PCDHA1: variants seen among roughly 807,000 people sequenced by gnomAD.
PCDHA1 encodes protocadherin alpha-1.
A neutral mutation model predicts 61.3 loss-of-function variants in PCDHA1; 42 were observed. That is an observed-to-expected ratio of 0.69 (90% CI 0.54 to 0.89). PCDHA1 has a LOEUF of 0.89. Among genes scored for constraint, PCDHA1 ranks in the 40% least tolerant of loss-of-function variants. The probability of loss-of-function intolerance (pLI) is 0.00; values close to 1 mark genes in which losing one functional copy is unlikely to be tolerated. For missense variants in PCDHA1, 1,256 were observed against 1,235.3 expected (o/e 1.02, Z -0.25); for synonymous variants, 610 against 553.8 (o/e 1.10, Z -1.43).
intron 1 of PCDHA1, among the ~76,000 whole-genome samples, chr5:140,952,230 A>C (rs1177331328): frequency 6.6e-6 from 1 of 151,960 alleles, no homozygotes; most frequent in African/African-American, 2.4e-5. Flanking sequence ...ACAGTGTGCA[A>C]GCTGCTTAGA....
chr5:140,867,157 C>T (rs1194187128), intron 1 of PCDHA1: 2 of 152,166 alleles, frequency 1.3e-5, no homozygotes, highest in East Asian at 3.9e-4. Context: ...CCAGAGTAAA[C>T]CTTCTAAGGT....
intron 1 of PCDHA1, chr5:140,823,379 G>T (rs2150125184): frequency 6.2e-7 from 1 of 1,612,650 alleles, no homozygotes; most frequent in Non-Finnish European, 8.5e-7. Context: ...TTCCAGGTGA[G>T]CGCGCGCGAC....
At chr5:140,856,690 T>G (rs1368181199) in intron 1 of PCDHA1, 2 of 1,597,086 alleles carry the variant, frequency 1.3e-6, no homozygotes, top group African/African-American at 2.7e-5. Context: ...TGACAGCAAC[T>G]GATGGAGGCA....
intron 1 of PCDHA1, among the ~76,000 whole-genome samples, chr5:140,845,069 G>A (rs1323503087): frequency 6.7e-6 from 1 of 149,464 alleles, no homozygotes; most frequent in Non-Finnish European, 1.5e-5. Context: ...CCTCAAAGCA[G>A]CATTGTTTTG....
In PCDHA1 at chr5:140,978,971, G is replaced by C. The variant is rs782774245; in HGVS notation, c.2417G>C (p.Trp806Ser). Residue 806 changes from tryptophan (W) to serine (S), a missense_variant, in exon 2 of 4, where the codon TGG (tryptophan) becomes TCG (serine). Trp to Ser is a radical substitution (Grantham distance 177). Transcript: ENST00000504120. ...CAGCCACGACAGCCCAACCCTGACT[G>C]GCGTTACTCTGCCTCCCTGAGAGCA... is the stretch of plus-strand genomic sequence containing the variant. ...SGNPRQPNPD[W>S]RYSASLRAGM... 6.2e-7 allele frequency: 1 copy of C among 1,614,170 alleles called. No homozygotes were observed. The highest frequency in any genetic ancestry group is 2.2e-5 in the East Asian group (1 of 44,882).
intron 1 of PCDHA1, chr5:140,968,575 G>C: frequency 6.2e-7 from 1 of 1,614,134 alleles, no homozygotes; most frequent in Non-Finnish European, 8.5e-7. Context: ...CTGGCTACCT[G>C]GTCACCAAAG....
chr5:140,799,046 A>G (rs1219973216), intron 1 of PCDHA1, among the ~76,000 whole-genome samples: 1 of 152,214 alleles, frequency 6.6e-6, no homozygotes, highest in Admixed American at 6.5e-5. Context: ...TTCTAAAATT[A>G]TATTCACATA....
chr5:140,823,337 C>T, intron 1 of PCDHA1: 2 of 1,612,260 alleles, frequency 1.2e-6, no homozygotes, highest in Non-Finnish European at 1.7e-6. Context: ...GCGCTGCAGC[C>T]GCTGGACCAC....
intron 1 of PCDHA1, chr5:140,801,232 A>G (rs1554121325): frequency 6.2e-7 from 1 of 1,612,512 alleles, no homozygotes. Flanking sequence ...CCTGGAGCCC[A>G]GTGCCTGCTG....
intron 1 of PCDHA1, among the ~76,000 whole-genome samples, chr5:140,957,527 T>C (rs1441282290): frequency 6.6e-6 from 1 of 152,138 alleles, no homozygotes; most frequent in African/African-American, 2.4e-5. Context: ...AGACATTCAG[T>C]GGGGATCTTA....
At chr5:140,922,210 A>AAC (rs2080722350) in intron 1 of PCDHA1, among the ~76,000 whole-genome samples, 2 of 152,232 alleles carry the variant, frequency 1.3e-5, no homozygotes, top group Admixed American at 1.3e-4. Context: ...GAAACTTTGT[A>AAC]AAACATTTGA....
chr5:140,888,994 T>A (rs1486471421), intron 1 of PCDHA1, among the ~76,000 whole-genome samples: 5 of 152,154 alleles, frequency 3.3e-5, no homozygotes, highest in African/African-American at 1.2e-4. Flanking sequence ...TATGATTTTC[T>A]TATGGCAAAC....
rs1231987544 is a variant in PCDHA1 at position 140,807,292 on chromosome 5, C to G, written c.2394+18608C>G. The G allele has an allele frequency of 1.9e-6, 3 of 1,614,116 alleles. No homozygotes were observed. In the East Asian group the frequency reaches 6.7e-5, roughly 36 times the overall value. On this transcript the variant is annotated intron_variant, in intron 1 of 3. Transcript: ENST00000504120. Reference sequence around the variant, plus strand: ...GGAACGGTCAGCTCCACTACTCGGTCTCCGAGGAGGCCAAACACGGCACCT... The same window carrying G: ...GGAACGGTCAGCTCCACTACTCGGTGTCCGAGGAGGCCAAACACGGCACCT...
At chr5:140,954,356 CCA>C (rs1251664193) in intron 1 of PCDHA1, among the ~76,000 whole-genome samples, 1 of 152,152 alleles carries the variant, frequency 6.6e-6, no homozygotes, top group Non-Finnish European at 1.5e-5. Flanking sequence ...TGAGGAATCG[CCA>C]CACAGTCTCC....
At chr5:140,809,399 A>G in intron 1 of PCDHA1, 1 of 1,614,104 alleles carries the variant, frequency 6.2e-7, no homozygotes, top group South Asian at 1.1e-5. Context: ...GGGCAAGCCC[A>G]CGCTGGTGTG....
At chr5:140,989,620 C>T (rs1197614071) in intron 3 of PCDHA1, among the ~76,000 whole-genome samples, 1 of 152,168 alleles carries the variant, frequency 6.6e-6, no homozygotes, top group African/African-American at 2.4e-5. Context: ...GAAAGTCTGT[C>T]CTAGTGACAG....
intron 1 of PCDHA1, among the ~76,000 whole-genome samples, chr5:140,790,674 T>C (rs142399178): frequency 6.6e-6 from 1 of 152,354 alleles, no homozygotes; most frequent in East Asian, 1.9e-4. Flanking sequence ...AAATAATTTC[T>C]CTTTCCAATT....
chr5:140,816,605 A>T (rs1765956061), intron 1 of PCDHA1: 1 of 151,984 alleles, frequency 6.6e-6, no homozygotes, highest in African/African-American at 2.4e-5. Context: ...TGATATCTAT[A>T]CATTTCAAAA....
chr5:141,011,852 A>T lies in PCDHA1; in HGVS notation c.*1915A>T, dbSNP rs1288551420. 1 of 153,718 alleles carries T rather than the reference A, an allele frequency of 6.5e-6. No individual in the cohort carries two copies. The highest frequency in any genetic ancestry group is 1.5e-5 in the Non-Finnish European group (1 of 68,038). 9.5% of individuals were successfully genotyped at this position (153,718 alleles called of 1,614,324 possible). A position where few individuals can be genotyped will look rare whatever the true frequency, so the allele number is the denominator to read the frequency against. ...CTGTCACCTTAAATAAGACATTTTA[A>T]TTTTGTTATAATGTACAATTTAGAA... On this transcript the variant is annotated 3_prime_UTR_variant, in exon 4 of 4. Transcript: ENST00000504120.
Sources: allele counts gnomAD v4.1 joint callset (sites outside exome capture counted in the v4.1 genomes callset), GRCh38; gene constraint gnomAD v4.1.1; transcripts MANE v1.5; gene names NCBI Gene and HGNC (gene_info 2026-07-23, HGNC 2026-07-21).